Variants in GABRE observed in about 807,000 individuals in gnomAD.
GABRE encodes the protein gamma-aminobutyric acid receptor subunit epsilon.
GABRE carries 20 observed loss-of-function variants against 31.0 expected under a neutral mutation model. The observed-to-expected ratio is 0.64, with a 90% CI of 0.45 to 0.94. The LOEUF is 0.94. GABRE is among the 40% of genes least tolerant of loss of function. The pLI, the probability that GABRE is intolerant of heterozygous loss-of-function variation, is 0.00. For missense variants in GABRE, 420 were observed against 410.7 expected (o/e 1.02, Z -0.20); for synonymous variants, 155 against 150.6 (o/e 1.03, Z -0.21).
intron 6 of GABRE, 134 bp from the exon 7 acceptor site, chrX:151,955,994 T>A: frequency 1.7e-6 from 1 of 602,561 alleles, no homozygotes; most frequent in East Asian, 3.4e-5. Context: ...GACAATGCAA[T>A]ACATACAAAT....
chrX:151,966,965 C>T (rs979860063), intron 3 of GABRE, among the ~76,000 whole-genome samples: 1 of 111,838 alleles, frequency 8.9e-6, no homozygotes, highest in African/African-American at 3.3e-5. Context: ...GGAGAGACAG[C>T]GCATTCAGCT....
rs1446337350 is a variant in GABRE at position 151,969,749 on chromosome X, C to T, written c.275-13G>A. On this transcript the variant is annotated splice_polypyrimidine_tract_variant and intron_variant, in intron 2 of 8. Coordinates refer to ENST00000370328, the MANE Select transcript of GABRE (RefSeq NM_004961.4). ...ACAGTGGGCTTCTCTATAAGGGAAGCAGAAGCAGCAGAGGGTAAGTGTCAA... is the reference window on the plus strand; with the variant it reads ...ACAGTGGGCTTCTCTATAAGGGAAGTAGAAGCAGCAGAGGGTAAGTGTCAA... The T allele has an allele frequency of 1.7e-6, 2 of 1,205,194 alleles. No individual in the cohort carries two copies. The highest frequency in any genetic ancestry group is 3.5e-5 in the African/African-American group (2 of 56,918).
intron 1 of GABRE, chrX:151,971,330 A>G (rs1232191332): frequency 3.2e-6 from 1 of 309,250 alleles, no homozygotes; most frequent in East Asian, 1.0e-4. Context: ...AATTCCATAA[A>G]AAGTGTTTTT....
chrX:151,974,113 C>A (rs1168427323), intron 1 of GABRE, among the ~76,000 whole-genome samples: 1 of 111,500 alleles, frequency 9.0e-6, no homozygotes, highest in Non-Finnish European at 1.9e-5. Context: ...CGAGGCAACA[C>A]TCACACATTT....
intron 3 of GABRE, among the ~76,000 whole-genome samples, chrX:151,966,268 G>A (rs1017857296): frequency 2.4e-4 from 27 of 112,158 alleles, no homozygotes; most frequent in Non-Finnish European, 3.0e-4. Flanking sequence ...AATCAACTGC[G>A]ATAATTACCA....
At chrX:151,974,545 C>A in intron 1 of GABRE, 25 bp downstream of exon 1, 4 of 1,116,569 alleles carry the variant, frequency 3.6e-6, no homozygotes, top group Non-Finnish European at 4.8e-6. Flanking sequence ...GCGAAGGGCT[C>A]CCGGGTCCCG....
At position 151,972,211 on chromosome X, in the gene GABRE, A is replaced by G. The variant is rs768418006; in HGVS notation, c.57-1809T>C. On this transcript the variant is annotated intron_variant, in intron 1 of 8. Transcript: ENST00000370328. The stretch of plus-strand genomic sequence containing the variant: ...TGTTAGAATTGCTTAAGTGGCATAC[A>G]GATGTGCCAAATCCACACCATTTCT... The G allele has an allele frequency of 2.9e-5, 22 of 751,551 alleles. No individual in the cohort carries two copies. In the South Asian group the frequency reaches 1.2e-3, roughly 42 times the overall value. 61.9% of individuals were successfully genotyped at this position (751,551 alleles called of 1,213,427 possible). A position where few individuals can be genotyped will look rare whatever the true frequency, so the allele number is the denominator to read the frequency against.
intron 6 of GABRE, chrX:151,956,752 C>T (rs1934183952): frequency 8.9e-6 from 1 of 112,471 alleles, no homozygotes; most frequent in African/African-American, 3.2e-5. Context: ...ACAGGGCAGA[C>T]TGAGGTCCTC....
intron 1 of GABRE, among the ~76,000 whole-genome samples, chrX:151,970,740 T>C (rs983744771): frequency 4.4e-5 from 5 of 112,412 alleles, no homozygotes; most frequent in African/African-American, 1.6e-4. Flanking sequence ...TGACTAGCCT[T>C]GGCCTCTAGT....
intron 3 of GABRE, among the ~76,000 whole-genome samples, chrX:151,964,513 G>A (rs894694768): frequency 6.3e-5 from 7 of 111,536 alleles, no homozygotes; most frequent in African/African-American, 1.6e-4. Context: ...ACAGACAGGC[G>A]ATGGTGGCTT....
chrX:151,954,588 G>C lies in GABRE; in HGVS notation c.*113C>G. On this transcript the variant is annotated 3_prime_UTR_variant, in exon 9 of 9. Transcript: ENST00000370328. ...AGCTTCTGTTTGGGGAATGGGGCAGGAAAAACTCTAGTCGCTCCTGCTGCT... is the reference window on the plus strand; with the variant it reads ...AGCTTCTGTTTGGGGAATGGGGCAGCAAAAACTCTAGTCGCTCCTGCTGCT... 1 of 565,319 alleles carries C rather than the reference G, an allele frequency of 1.8e-6. No individual in the cohort carries two copies. Among genetic ancestry groups the C allele is most frequent in the Middle Eastern group, 5.3e-4 (1 of 1,880 alleles). 46.6% of individuals were successfully genotyped at this position (565,319 alleles called of 1,213,427 possible). A position where few individuals can be genotyped will look rare whatever the true frequency, so the allele number is the denominator to read the frequency against.
Position 151,970,462 on chromosome X carries a change from T to C in GABRE, c.57-60A>G, listed in dbSNP as rs776477074. On this transcript the variant is annotated intron_variant, in intron 1 of 8. Transcript: ENST00000370328. ...TGCACTCTGTAGGGGCCCCAGCTAG[T>C]GCCTCTTGGGACAGAAGCAAACCAA... The C allele has an allele frequency of 1.8e-4, 203 of 1,150,021 alleles. No homozygotes were observed. In the African/African-American group the frequency reaches 3.2e-3, roughly 18 times the overall value. The allele number at this position is 1,150,021 out of a possible 1,213,427, so 94.8% of individuals were successfully genotyped here.
intron 3 of GABRE, among the ~76,000 whole-genome samples, chrX:151,966,893 C>G (rs1934541716): frequency 8.9e-6 from 1 of 112,026 alleles, no homozygotes; most frequent in African/African-American, 3.3e-5. Context: ...GGTTATTAGA[C>G]TATATCCTTC....
chrX:151,971,435 G>A, intron 1 of GABRE: 1 of 213,476 alleles, frequency 4.7e-6, no homozygotes. Context: ...TGACACAATA[G>A]GAGAGATTTG....
chrX:151,963,750 T>C (rs1394293052), intron 3 of GABRE, among the ~76,000 whole-genome samples: 1 of 112,491 alleles, frequency 8.9e-6, no homozygotes, highest in Non-Finnish European at 1.9e-5. Context: ...GATTTGGTGA[T>C]CTTTAAAGGT....
At chrX:151,955,652 C>T in intron 7 of GABRE, 56 bp downstream of exon 7, 1 of 1,204,846 alleles carries the variant, frequency 8.3e-7, no homozygotes, top group Non-Finnish European at 1.1e-6. Flanking sequence ...CAACTCTGCC[C>T]TGGCCCAGCC....
chrX:151,962,485 C>T lies in GABRE; in HGVS notation c.501G>A (p.Glu167=). ...GGACCATCTGGTTGGGCATGGTGAT[C>T]TCATGCTCGTGGGTCCTCTTAGAAT... ...FRNSKRTHEH[E]ITMPNQMVRI... The change falls in exon 4 of 9, where the codon GAG becomes GAA. Residue 167 remains glutamate (E), a synonymous_variant. Transcript: ENST00000370328. The T allele has an allele frequency of 8.3e-7, 1 of 1,211,259 alleles. No homozygotes were observed. The highest frequency in any genetic ancestry group is 1.1e-6 in the Non-Finnish European group (1 of 895,276).
chrX:151,970,539 T>C (rs1166223588), intron 1 of GABRE, 137 bp from the exon 2 acceptor site: 2 of 683,812 alleles, frequency 2.9e-6, no homozygotes, highest in African/African-American at 4.4e-5. Context: ...AATAGCAAAT[T>C]ATAAGACAGT....
At chrX:151,969,794 G>A (rs1934633006) in intron 2 of GABRE, 58 bp from the exon 3 acceptor site, 2 of 1,193,075 alleles carry the variant, frequency 1.7e-6, no homozygotes, top group Middle Eastern at 2.7e-4. Context: ...TGGGACGGGG[G>A]AGGAAGTGGT....
Sources: allele counts gnomAD v4.1 joint callset (sites outside exome capture counted in the v4.1 genomes callset), GRCh38; gene constraint gnomAD v4.1.1; transcripts MANE v1.5; gene names NCBI Gene and HGNC (gene_info 2026-07-23, HGNC 2026-07-21).